The following COL8A1 variants were observed in gnomAD, a reference collection of about 807,000 sequenced individuals.
The protein encoded by COL8A1 is collagen alpha-1(VIII) chain.
A neutral mutation model predicts 42.7 loss-of-function variants in COL8A1; 21 were observed. That is an observed-to-expected ratio of 0.49 (90% confidence interval 0.35 to 0.71). The LOEUF is 0.71. Ranked by LOEUF, COL8A1 falls within the 30% of genes least tolerant of loss-of-function variation. COL8A1 has a pLI of 0.01. For synonymous variants in COL8A1, 367 were observed against 369.1 expected, an observed-to-expected ratio of 0.99 and a Z score of 0.06; for missense variants, 788 against 962.4, an observed-to-expected ratio of 0.82 and a Z score of 2.40.
intron 1 of COL8A1, among the ~76,000 whole-genome samples, chr3:99,737,304 T>A (rs1940754570): frequency 6.6e-6 from 1 of 152,172 alleles, no homozygotes; most frequent in Non-Finnish European, 1.5e-5. Context: ...CATTAGTTGA[T>A]GCAGTTTCTT....
Position 99,795,673 on chromosome 3 carries a change from G to T in COL8A1, c.1772G>T (p.Gly591Val), listed in dbSNP as rs1942090293. 2 of 1,613,936 alleles carry T rather than the reference G, an allele frequency of 1.2e-6. No homozygotes were observed. The highest frequency in any genetic ancestry group is 1.7e-5 in the Admixed American group (1 of 59,998). ...QGEYLPDMGL[G>V]IDGVKPPHAY... ...GAGTATCTGCCAGATATGGGGCTGG[G>T]AATTGATGGCGTGAAACCCCCCCAT... is the stretch of plus-strand genomic sequence containing the variant. The change falls in exon 4 of 4, where the codon GGA becomes GTA. Residue 591 changes from glycine (G) to valine (V), a missense_variant. Gly to Val is a moderately radical substitution (Grantham distance 109). Around this residue, in one of 4 missense-constraint regions of COL8A1, gnomAD observed 212 missense variants for 210.9 expected, o/e 1.00. Coordinates refer to ENST00000652472, the MANE Select transcript of COL8A1 (RefSeq NM_020351.4).
rs1423686130 is a variant in COL8A1, at chr3:99,799,107, G to A, written c.*2971G>A. The A allele has an allele frequency of 6.6e-6, 1 of 152,192 alleles. No individual in the cohort carries two copies. The highest frequency in any genetic ancestry group is 2.4e-5 in the African/African-American group (1 of 41,438). 9.4% of individuals were successfully genotyped at this position (152,192 alleles called of 1,614,324 possible). ...AATACAATGAACGGTGAACAGACTG[G>A]TAACTTGTTTGAGTTCCCATGACAG... On this transcript the variant is annotated 3_prime_UTR_variant, in exon 4 of 4. Coordinates refer to ENST00000652472, the MANE Select transcript of COL8A1 (RefSeq NM_020351.4).
At chr3:99,703,315 A>G (rs1280535874) in intron 1 of COL8A1, 2 of 152,228 alleles carry the variant, frequency 1.3e-5, no homozygotes. Context: ...AGATGACAAA[A>G]CTGAAACGGA....
intron 1 of COL8A1, among the ~76,000 whole-genome samples, chr3:99,655,808 G>A (rs573771112): frequency 7.2e-4 from 109 of 152,246 alleles, no homozygotes; most frequent in Admixed American, 9.8e-4. Flanking sequence ...GTTAACACAC[G>A]TGGTTCTCTG....
intron 1 of COL8A1, among the ~76,000 whole-genome samples, chr3:99,675,332 A>C (rs910396896): frequency 1.3e-5 from 2 of 152,168 alleles, no homozygotes; most frequent in South Asian, 4.1e-4. Flanking sequence ...GAGTGCCTCT[A>C]ACAATTTTAT....
intron 1 of COL8A1, among the ~76,000 whole-genome samples, chr3:99,666,740 G>A (rs977783717): frequency 6.6e-6 from 1 of 152,048 alleles, no homozygotes; most frequent in African/African-American, 2.4e-5. Flanking sequence ...ACTATTAAGG[G>A]GTAATATCTA....
chr3:99,645,028 G>T (rs1482583831), intron 1 of COL8A1, among the ~76,000 whole-genome samples: 1 of 152,186 alleles, frequency 6.6e-6, no homozygotes, highest in Non-Finnish European at 1.5e-5. Flanking sequence ...TCAGTAGGAG[G>T]ATTTCAAATA....
At chr3:99,702,766 T>TAGCA (rs1939577032) in intron 1 of COL8A1, among the ~76,000 whole-genome samples, 3 of 152,322 alleles carry the variant, frequency 2.0e-5, no homozygotes, top group Admixed American at 1.3e-4. Flanking sequence ...CAGTCAGAGT[T>TAGCA]AGCAAGCAAG....
chr3:99,727,134 T>C (rs887863197), intron 1 of COL8A1, among the ~76,000 whole-genome samples: 13 of 152,210 alleles, frequency 8.5e-5, no homozygotes, highest in African/African-American at 3.1e-4. Context: ...TTCACTTCCC[T>C]TGTCAGTTGA....
At chr3:99,727,385 C>T (rs1159040434) in intron 1 of COL8A1, among the ~76,000 whole-genome samples, 1 of 151,980 alleles carries the variant, frequency 6.6e-6, no homozygotes, top group Non-Finnish European at 1.5e-5. Flanking sequence ...TTCCTCTTTT[C>T]CTAATTGAAT....
chr3:99,718,256 C>A (rs1940056545), intron 1 of COL8A1, among the ~76,000 whole-genome samples: 1 of 151,874 alleles, frequency 6.6e-6, no homozygotes, highest in South Asian at 2.1e-4. Context: ...AGATGATGGC[C>A]CCTTGAAGAC....
chr3:99,662,893 A>G (rs1001096228), intron 1 of COL8A1, among the ~76,000 whole-genome samples: 2 of 152,020 alleles, frequency 1.3e-5, no homozygotes, highest in Non-Finnish European at 2.9e-5. Flanking sequence ...AAGGACCCCA[A>G]TCATATTGGA....
intron 2 of COL8A1, among the ~76,000 whole-genome samples, chr3:99,785,002 T>C (rs960321449): frequency 6.6e-6 from 1 of 152,148 alleles, no homozygotes. Flanking sequence ...CATGTGCCCA[T>C]CTTTTATGTT....
At chr3:99,721,161 A>G (rs1940139897) in intron 1 of COL8A1, among the ~76,000 whole-genome samples, 1 of 152,062 alleles carries the variant, frequency 6.6e-6, no homozygotes, top group East Asian at 1.9e-4. Flanking sequence ...TCCAGCACGA[A>G]GTTGGGCGAC....
chr3:99,733,847 G>A (rs1332279451), intron 1 of COL8A1, among the ~76,000 whole-genome samples: 1 of 152,004 alleles, frequency 6.6e-6, no homozygotes, highest in Non-Finnish European at 1.5e-5. Context: ...CATTCTAACT[G>A]GTGTGAGATG....
At chr3:99,791,078 G>A (rs958008647) in intron 3 of COL8A1, 68 bp downstream of exon 3, 5 of 1,381,150 alleles carry the variant, frequency 3.6e-6, no homozygotes, top group Non-Finnish European at 4.9e-6. Flanking sequence ...GGGATCAGAG[G>A]GGGAAGATAA....
At chr3:99,775,801 A>G (rs1371430620) in intron 2 of COL8A1, among the ~76,000 whole-genome samples, 3 of 152,158 alleles carry the variant, frequency 2.0e-5, no homozygotes, top group African/African-American at 7.2e-5. Flanking sequence ...TTATAGATCA[A>G]TCATCTGTCA....
chr3:99,737,457 A>G (rs902129367), intron 1 of COL8A1, among the ~76,000 whole-genome samples: 10 of 152,020 alleles, frequency 6.6e-5, no homozygotes, highest in Non-Finnish European at 8.8e-5. Context: ...GCTTGTCTGT[A>G]AAGTATTTTA....
chr3:99,721,883 GTT>G (rs1288383320), intron 1 of COL8A1, among the ~76,000 whole-genome samples: 1 of 146,034 alleles, frequency 6.8e-6, no homozygotes, highest in African/African-American at 2.5e-5. Context: ...GCAGCACTGG[GTT>G]TTTTTTTTTA....
Sources: allele counts gnomAD v4.1 joint callset (sites outside exome capture counted in the v4.1 genomes callset), GRCh38; gene constraint gnomAD v4.1.1; regional missense constraint gnomAD v4.1.1; transcripts MANE v1.5; gene names NCBI Gene and HGNC (gene_info 2026-07-23, HGNC 2026-07-21).